RARB: variants seen among roughly 807,000 people sequenced by gnomAD.
RARB encodes retinoic acid receptor beta, also known as HBV-activated protein.
In RARB, 17 loss-of-function variants were observed where a neutral mutation model predicts 51.9. That is an observed-to-expected ratio of 0.33 (90% CI 0.22 to 0.49). RARB has a LOEUF of 0.49. Among genes scored for constraint, RARB ranks in the 20% least tolerant of loss-of-function variants. The probability of loss-of-function intolerance (pLI) is 0.99; values close to 1 mark genes in which losing one functional copy is unlikely to be tolerated. For missense variants in RARB, 369 were observed against 550.8 expected, an observed-to-expected ratio of 0.67 and a Z score of 3.30; for synonymous variants, 215 against 195.4, an observed-to-expected ratio of 1.10 and a Z score of -0.84.
intron 1 of RARB, chr3:24,858,653 T>G (rs927862818): frequency 6.6e-6 from 1 of 152,236 alleles, no homozygotes; most frequent in African/African-American, 2.4e-5. Context: ...GACTGCTAAA[T>G]GAAAACCATT....
At chr3:25,342,104 A>C (rs1176158486) in intron 5 of RARB, among the ~76,000 whole-genome samples, 2 of 152,198 alleles carry the variant, frequency 1.3e-5, no homozygotes, top group Non-Finnish European at 2.9e-5. Flanking sequence ...TCCATCAAGA[A>C]ATAACTAATA....
chr3:25,091,060 C>T (rs1445201284), intron 3 of RARB, among the ~76,000 whole-genome samples: 1 of 152,122 alleles, frequency 6.6e-6, no homozygotes, highest in Non-Finnish European at 1.5e-5. Flanking sequence ...CTATCACTGT[C>T]CCTGGCAGTA....
intron 5 of RARB, among the ~76,000 whole-genome samples, chr3:25,258,711 T>C (rs1702926856): frequency 1.3e-5 from 2 of 152,126 alleles, no homozygotes; most frequent in Admixed American, 6.6e-5. Flanking sequence ...GATGAGCAGC[T>C]GCATCTCCTG....
chr3:25,199,360 G>C (rs928387105), intron 5 of RARB, among the ~76,000 whole-genome samples: 5 of 152,126 alleles, frequency 3.3e-5, no homozygotes, highest in Non-Finnish European at 7.4e-5. Flanking sequence ...TAAAAATATA[G>C]TTAGAATGAA....
intron 5 of RARB, among the ~76,000 whole-genome samples, chr3:25,249,414 G>A (rs34197182): frequency 0.22 from 33,912 of 151,774 alleles, 4,724 homozygotes; most frequent in South Asian, 0.48. Context: ...ATTTGAATTC[G>A]TTTTCCAGAA....
chr3:25,354,435 A>G (rs976565900), intron 5 of RARB, among the ~76,000 whole-genome samples: 4 of 152,072 alleles, frequency 2.6e-5, no homozygotes, highest in Non-Finnish European at 4.4e-5. Context: ...TCTAAAACTT[A>G]TATCAACATC....
intron 2 of RARB, among the ~76,000 whole-genome samples, chr3:24,923,228 T>A (rs531862942): frequency 2.0e-5 from 3 of 152,208 alleles, no homozygotes; most frequent in Non-Finnish European, 4.4e-5. Flanking sequence ...GCAATATATT[T>A]GAAGTGCTTA....
chr3:25,346,176 T>A (rs1377897829), intron 5 of RARB, among the ~76,000 whole-genome samples: 1 of 152,210 alleles, frequency 6.6e-6, no homozygotes, highest in Non-Finnish European at 1.5e-5. Context: ...TTCCGTTTAT[T>A]TTTAATCTCT....
chr3:25,158,250 T>C (rs1700410910), intron 4 of RARB, among the ~76,000 whole-genome samples: 1 of 152,330 alleles, frequency 6.6e-6, no homozygotes, highest in Non-Finnish European at 1.5e-5. Context: ...CACCATCACC[T>C]TATATCATAT....
intron 1 of RARB, chr3:24,858,537 C>T (rs1188179462): frequency 1.3e-5 from 2 of 152,306 alleles, no homozygotes; most frequent in African/African-American, 2.4e-5. Flanking sequence ...GTAGTCTCCT[C>T]ATTTCAAGAC....
intron 5 of RARB, among the ~76,000 whole-genome samples, chr3:25,260,662 C>G (rs935499967): frequency 4.6e-5 from 7 of 152,102 alleles, no homozygotes; most frequent in Admixed American, 6.6e-5. Context: ...CTCTTTTCCT[C>G]TAGTGCTCAG....
At chr3:25,102,183 C>A (rs954240789) in intron 3 of RARB, among the ~76,000 whole-genome samples, 1 of 152,080 alleles carries the variant, frequency 6.6e-6, no homozygotes, top group Non-Finnish European at 1.5e-5. Context: ...GTGAATGTCC[C>A]CACAAAATAG....
rs542204058 is a variant in RARB, at chr3:25,262,718, T to C, written c.178+88143T>C. Among the ~76,000 whole-genome samples, 24 of 152,336 alleles carry C rather than the reference T, an allele frequency of 1.6e-4. No homozygotes were observed. The South Asian group carries it at 5.0e-3, about 32-fold the overall frequency. On this transcript the variant is annotated intron_variant, in intron 5 of 11. Transcript: ENST00000383772. The stretch of plus-strand genomic sequence containing the variant: ...TGCCCACCTGGGAAATCCAGGAGAA[T>C]CTTCCTATCTTAAGGTCAGCCGGTT...
At chr3:25,250,472 C>G (rs1702684686) in intron 5 of RARB, among the ~76,000 whole-genome samples, 1 of 152,110 alleles carries the variant, frequency 6.6e-6, no homozygotes, top group Admixed American at 6.5e-5. Flanking sequence ...GGGGAATGAA[C>G]ACATTGGTCT....
intron 2 of RARB, among the ~76,000 whole-genome samples, chr3:25,021,664 TACCC>T (rs1437020612): frequency 2.6e-5 from 4 of 152,038 alleles, no homozygotes; most frequent in Non-Finnish European, 1.5e-5. Context: ...GAAAAAAAAA[TACCC>T]AATCCATTTA....
chr3:24,902,979 T>C (rs1229105051), intron 2 of RARB, among the ~76,000 whole-genome samples: 2 of 152,116 alleles, frequency 1.3e-5, no homozygotes. Flanking sequence ...TCAAAATATA[T>C]TGAGAGAAAC....
intron 1 of RARB, 77 bp from the exon 2 acceptor site, chr3:25,461,116 T>C (rs1695156574): frequency 6.8e-7 from 1 of 1,464,206 alleles, no homozygotes; most frequent in Non-Finnish European, 9.1e-7. Context: ...CAGAAGCATA[T>C]GAATTCACTG....
intron 2 of RARB, among the ~76,000 whole-genome samples, chr3:24,950,255 T>G (rs1695860147): frequency 6.6e-6 from 1 of 152,250 alleles, no homozygotes; most frequent in African/African-American, 2.4e-5. Context: ...GTTTCATTTC[T>G]TCATTTAAAA....
chr3:25,524,688 T>C (rs1331259391), intron 3 of RARB, among the ~76,000 whole-genome samples: 1 of 147,608 alleles, frequency 6.8e-6, no homozygotes, highest in Non-Finnish European at 1.5e-5. Flanking sequence ...TATCCTCTTC[T>C]TTCTGTCCCT....
Sources: gnomAD v4.1 joint callset for allele counts (sites outside exome capture counted in the v4.1 genomes callset) on GRCh38, gnomAD v4.1.1 for gene constraint, MANE v1.5 for transcripts, NCBI Gene and HGNC (gene_info 2026-07-23, HGNC 2026-07-21) for gene names.